ELN: variants seen among roughly 807,000 people sequenced by gnomAD.
ELN encodes tropoelastin.
ELN carries 65 observed loss-of-function variants against 105.8 expected under a neutral mutation model. The observed-to-expected ratio is 0.61, with a 90% confidence interval of 0.50 to 0.75. The LOEUF is 0.75. ELN is among the 30% of genes least tolerant of loss of function. The probability of loss-of-function intolerance (pLI) is 0.00; values close to 1 mark genes in which losing one functional copy is unlikely to be tolerated. For missense variants in ELN, 882 were observed against 969.4 expected (o/e 0.91, Z 1.20); for synonymous variants, 368 against 389.2 (o/e 0.95, Z 0.64).
At chr7:74,062,371 T>A (rs1563864587) in intron 26 of ELN, 1 of 152,272 alleles carries the variant, frequency 6.6e-6, no homozygotes, top group Non-Finnish European at 1.5e-5. Context: ...CCCAGCCACT[T>A]CCCGTCCCTG....
rs1554683633 is a variant in ELN, at chr7:74,060,467, T to C, written c.1713T>C (p.Leu571=). The C allele has an allele frequency of 2.5e-6, 4 of 1,613,938 alleles. No individual in the cohort carries two copies. The highest frequency in any genetic ancestry group is 2.5e-6 in the Non-Finnish European group (3 of 1,179,976). The change falls in exon 25 of 33, where the codon CTT becomes CTC. Residue 571 remains leucine (L), a synonymous_variant. Coordinates refer to ENST00000252034, the MANE Select transcript of ELN (RefSeq NM_000501.4). ...GAGTTGGTGCTGGTGTTCCTGGACT[T>C]GGAGTTGGTGCTGGTGTTCCTGGCT... is the stretch of plus-strand genomic sequence containing the variant. ...GLGVGAGVPG[L]GVGAGVPGFG... is the part of the protein sequence containing the mutation.
At chr7:74,033,239 T>C (rs1789094688) in intron 1 of ELN, among the ~76,000 whole-genome samples, 1 of 152,190 alleles carries the variant, frequency 6.6e-6, no homozygotes, top group Admixed American at 6.5e-5. Flanking sequence ...CTGAGCACTT[T>C]GCTCTTCCCC....
chr7:74,048,579 C>G lies in ELN; in HGVS notation c.799+23C>G, dbSNP rs782474997. On this transcript the variant is annotated intron_variant, in intron 15 of 32. Transcript: ENST00000252034. ...TCGGTGAGTGCCCCTGGAGTCCCCA[C>G]CTGGTGGCCTCCAGGCCCCTAGCCT... is the stretch of plus-strand genomic sequence containing the variant. The G allele has an allele frequency of 9.3e-6, 15 of 1,613,326 alleles. No homozygotes were observed. In the African/African-American group the frequency reaches 1.9e-4, roughly 20 times the overall value.
chr7:74,043,780 T>C, intron 8 of ELN, 99 bp from the exon 9 acceptor site: 2 of 1,478,262 alleles, frequency 1.4e-6, no homozygotes, highest in Non-Finnish European at 1.9e-6. Context: ...ACAGAGGCTG[T>C]GGGTTTGAGG....
intron 15 of ELN, among the ~76,000 whole-genome samples, chr7:74,050,241 C>G (rs1202662338): frequency 6.6e-6 from 1 of 151,426 alleles, no homozygotes; most frequent in African/African-American, 2.4e-5. Flanking sequence ...ATTCTTCCCT[C>G]TATCCATCCA....
chr7:74,060,372 G>T lies in ELN; in HGVS notation c.1622-4G>T, dbSNP rs1554683483. 7.4e-6 allele frequency: 12 copies of T among 1,614,146 alleles called. No homozygotes were observed. The highest frequency in any genetic ancestry group is 1.0e-5 in the Non-Finnish European group (12 of 1,180,040). Reference sequence around the variant, plus strand: ...CTGTCGCCACCACTGCCCTCTGTCTGCAGGAGCTGCAGCTGGGCTTGGTGC... The same window carrying T: ...CTGTCGCCACCACTGCCCTCTGTCTTCAGGAGCTGCAGCTGGGCTTGGTGC... On this transcript the variant is annotated splice_region_variant and splice_polypyrimidine_tract_variant and intron_variant, in intron 24 of 32. Coordinates refer to ENST00000252034, the MANE Select transcript of ELN (RefSeq NM_000501.4).
chr7:74,066,698 CT>C (rs1563884447), intron 31 of ELN, 33 bp from the exon 32 acceptor site: 4 of 1,613,448 alleles, frequency 2.5e-6, no homozygotes, highest in Non-Finnish European at 3.4e-6. Flanking sequence ...GTTTCCACCC[CT>C]ACCAACCCAC....
rs1221506333 is a variant in ELN, at chr7:74,063,549, C to T, written c.1919-72C>T. ...CACCTGTGTCCCCAGAGGACACCTCCGCCCTCCACAGGCCGAGGCTTCAGT... is the reference window on the plus strand; with the variant it reads ...CACCTGTGTCCCCAGAGGACACCTCTGCCCTCCACAGGCCGAGGCTTCAGT... On this transcript the variant is annotated intron_variant, in intron 28 of 32. Transcript: ENST00000252034. The surrounding 1 kb of genome is among the most constrained non-coding windows in gnomAD (Gnocchi z 4.1). 2.2e-5 allele frequency: 35 copies of T among 1,610,998 alleles called. 1 individual carries two copies. The Middle Eastern group carries it at 7.0e-4, about 32-fold the overall frequency.
In ELN at chr7:74,043,900, A is replaced by ACCCAGGTGGCGTGCT; in HGVS notation, c.458_469+3dup. 1 of 1,614,042 alleles carries ACCCAGGTGGCGTGCT rather than the reference A, an allele frequency of 6.2e-7. No individual in the cohort carries two copies. Among genetic ancestry groups the ACCCAGGTGGCGTGCT allele is most frequent in the Non-Finnish European group, 8.5e-7 (1 of 1,179,986 alleles). ...ACAGGTGTGGGGCTGCCAGGTGTAT[A>ACCCAGGTGGCGTGCT]CCCAGGTGGCGTGCTCCCAGGTGAG... On this transcript the variant is annotated inframe_insertion, in exon 9 of 33. Coordinates refer to ENST00000252034, the MANE Select transcript of ELN (RefSeq NM_000501.4).
In ELN at chr7:74,041,211, CA is replaced by C; in HGVS notation, c.197-4del. On this transcript the variant is annotated splice_region_variant and splice_polypyrimidine_tract_variant and intron_variant, in intron 4 of 32. Coordinates refer to ENST00000252034, the MANE Select transcript of ELN (RefSeq NM_000501.4). ...TACACTCCTGTCTCTGTTTCTTATCCACAGTTCCCGGAGGGCTTGCGGGTGC... is the reference window on the plus strand; with the variant it reads ...TACACTCCTGTCTCTGTTTCTTATCCCAGTTCCCGGAGGGCTTGCGGGTGC... 6.2e-7 allele frequency: 1 copy of C among 1,614,022 alleles called. No homozygotes were observed. Among genetic ancestry groups the C allele is most frequent in the Non-Finnish European group, 8.5e-7 (1 of 1,179,908 alleles).
chr7:74,037,201 T>C (rs1377609839), intron 3 of ELN, among the ~76,000 whole-genome samples: 1 of 149,390 alleles, frequency 6.7e-6, no homozygotes, highest in Non-Finnish European at 1.5e-5. Flanking sequence ...ATCTTCTTTT[T>C]TTTTTTTTTG....
At chr7:74,057,237 CTAAAAA>C in intron 21 of ELN, 1 of 726,448 alleles carries the variant, frequency 1.4e-6, no homozygotes, top group South Asian at 2.8e-5. Flanking sequence ...GACTCCAACT[CTAAAAA>C]TAAAAAAAAA....
At chr7:74,033,429 A>G (rs1554663661) in intron 1 of ELN, among the ~76,000 whole-genome samples, 1 of 152,278 alleles carries the variant, frequency 6.6e-6, no homozygotes, top group Non-Finnish European at 1.5e-5. Context: ...GGAAGGCATC[A>G]GAGGCCCGAG....
chr7:74,051,683 G>C, intron 15 of ELN, 67 bp from the exon 16 acceptor site: 2 of 1,581,640 alleles, frequency 1.3e-6, no homozygotes, highest in Non-Finnish European at 1.7e-6. Flanking sequence ...CGGCGTCTAA[G>C]TGGCCATCCT....
intron 15 of ELN, among the ~76,000 whole-genome samples, chr7:74,050,437 C>T (rs1554675402): frequency 6.6e-6 from 1 of 151,476 alleles, no homozygotes; most frequent in African/African-American, 2.4e-5. Context: ...ATCTATCCAT[C>T]ACTCCCTCCA....
chr7:74,059,946 C>T lies in ELN; in HGVS notation c.1475C>T (p.Ala492Val), dbSNP rs1433420679. The T allele has an allele frequency of 6.2e-7, 1 of 1,608,382 alleles. No individual in the cohort carries two copies. Among genetic ancestry groups the T allele is most frequent in the Non-Finnish European group, 8.5e-7 (1 of 1,175,634 alleles). ...GVGVAPGVGV[A>V]PGVGLAPGVG... Reference sequence around the variant, plus strand: ...GGCGTGGCTCCTGGTGTCGGTGTGGCTCCTGGAGTTGGCTTGGCTCCTGGA... The same window carrying T: ...GGCGTGGCTCCTGGTGTCGGTGTGGTTCCTGGAGTTGGCTTGGCTCCTGGA... Residue 492 changes from alanine to valine, a missense_variant, in exon 23 of 33, where the codon GCT becomes GTT. By Grantham distance (64) the Ala-to-Val change is moderately conservative. Transcript: ENST00000252034.
chr7:74,051,857 A>G lies in ELN; in HGVS notation c.889+18A>G, dbSNP rs915366045. On this transcript the variant is annotated intron_variant, in intron 16 of 32. Coordinates refer to ENST00000252034, the MANE Select transcript of ELN (RefSeq NM_000501.4). ...CATCGCAGGTAACATCTGTCCCAGC[A>G]GGGGGCGGGTGTGTCCTTGAGATGG... 3.1e-6 allele frequency: 5 copies of G among 1,614,068 alleles called. No homozygotes were observed. Among genetic ancestry groups the G allele is most frequent in the Non-Finnish European group, 4.2e-6 (5 of 1,180,018 alleles).
At position 74,063,830 on chromosome 7, in the gene ELN, C is replaced by T. The variant is rs145100750; in HGVS notation, c.1993+135C>T. On this transcript the variant is annotated intron_variant, in intron 29 of 32. Coordinates refer to ENST00000252034, the MANE Select transcript of ELN (RefSeq NM_000501.4). The surrounding 1 kb of genome is among the most constrained non-coding windows in gnomAD (Gnocchi z 4.1). ...CTCAAGATGTCCTCTTGGCCAGGTG[C>T]GGTGGCTCACGCCTGCAATCCCAGC... The T allele has an allele frequency of 2.3e-5, 29 of 1,234,870 alleles. No homozygotes were observed. The highest frequency in any genetic ancestry group is 2.9e-5 in the Non-Finnish European group (25 of 856,840). 76.5% of individuals were successfully genotyped at this position (1,234,870 alleles called of 1,614,324 possible). A position where few individuals can be genotyped will look rare whatever the true frequency, so the allele number is the denominator to read the frequency against.
chr7:74,059,772 T>C, intron 22 of ELN, 114 bp from the exon 23 acceptor site: 1 of 781,356 alleles, frequency 1.3e-6, no homozygotes, highest in Non-Finnish European at 2.4e-6. Context: ...AAGTAACTGA[T>C]CCAGGGTCAC....
Sources: allele counts gnomAD v4.1 joint callset (sites outside exome capture counted in the v4.1 genomes callset), GRCh38; gene constraint gnomAD v4.1.1; non-coding constraint Gnocchi (gnomAD v3.1); transcripts MANE v1.5; gene names NCBI Gene and HGNC (gene_info 2026-07-23, HGNC 2026-07-21).